Variants in MLXIP observed in about 807,000 individuals in gnomAD.
MLXIP encodes the protein MLX interacting protein, also known as MLX-interacting protein.
Under a neutral mutation model 87.2 loss-of-function variants are expected in MLXIP, and 30 were observed. The observed-to-expected ratio is 0.34, with a 90% CI of 0.26 to 0.47. MLXIP has a LOEUF of 0.47. Ranked by LOEUF, MLXIP falls within the 20% of genes least tolerant of loss-of-function variation. The pLI is 1.00. For synonymous variants in MLXIP, 530 were observed against 514.0 expected (o/e 1.03, Z -0.42); for missense variants, 1,002 against 1,240.1 (o/e 0.81, Z 2.88).
intron 1 of MLXIP, among the ~76,000 whole-genome samples, chr12:122,121,199 G>A (rs1485637377): frequency 6.6e-6 from 1 of 150,526 alleles, no homozygotes; most frequent in Non-Finnish European, 1.5e-5. Context: ...TAGTAGAGAT[G>A]GAGTTTCACC....
chr12:122,132,467 A>ATGCC, intron 8 of MLXIP, 84 bp downstream of exon 8: 2 of 1,082,256 alleles, frequency 1.8e-6, no homozygotes, highest in Non-Finnish European at 2.7e-6. Context: ...GAGCAAGGCT[A>ATGCC]ATGGCATAGC....
At chr12:122,114,490 T>G (rs1952656558) in intron 1 of MLXIP, among the ~76,000 whole-genome samples, 2 of 152,206 alleles carry the variant, frequency 1.3e-5, no homozygotes, top group Non-Finnish European at 2.9e-5. Flanking sequence ...TGGTTGACCT[T>G]TAGTTTCTAG....
rs1952381454 is a variant in MLXIP, at chr12:122,097,987, CT to C, written c.413+18722del. Among the ~76,000 whole-genome samples, 4 of 152,238 alleles carry C rather than the reference CT, an allele frequency of 2.6e-5. No individual in the cohort carries two copies. The South Asian group carries it at 6.2e-4, about 24-fold the overall frequency. ...CAGCAGGTAGGTAAGCTCACTGGTGCTATGCACGGCCTCCTTCAGATCCTTC... is the reference window on the plus strand; with the variant it reads ...CAGCAGGTAGGTAAGCTCACTGGTGCATGCACGGCCTCCTTCAGATCCTTC... On this transcript the variant is annotated intron_variant, in intron 1 of 16. Coordinates refer to ENST00000319080, the MANE Select transcript of MLXIP (RefSeq NM_014938.6).
intron 15 of MLXIP, 95 bp downstream of exon 15, chr12:122,139,033 A>G (rs1565990181): frequency 9.8e-6 from 15 of 1,537,552 alleles, no homozygotes; most frequent in Non-Finnish European, 1.3e-5. Flanking sequence ...AAGACTCTTT[A>G]AATGCCTGTC....
At chr12:122,141,588 C>T in intron 16 of MLXIP, 103 bp from the exon 17 acceptor site, 2 of 1,527,002 alleles carry the variant, frequency 1.3e-6, no homozygotes, top group Non-Finnish European at 1.8e-6. Context: ...TGCTGCTCGC[C>T]CCGTGCCTGA....
chr12:122,124,888 C>T (rs1171207407), intron 1 of MLXIP, among the ~76,000 whole-genome samples: 4 of 151,982 alleles, frequency 2.6e-5, no homozygotes, highest in African/African-American at 4.8e-5. Flanking sequence ...AAAATTAGGC[C>T]GGGCTTGGTG....
chr12:122,094,685 CTG>C (rs1353994937), intron 1 of MLXIP, among the ~76,000 whole-genome samples: 4 of 101,982 alleles, frequency 3.9e-5, no homozygotes, highest in African/African-American at 1.2e-4. Flanking sequence ...TGTGCGATGT[CTG>C]TTGTGTGTTG....
chr12:122,139,584 C>G (rs894357745), intron 15 of MLXIP, among the ~76,000 whole-genome samples: 1 of 152,186 alleles, frequency 6.6e-6, no homozygotes, highest in Non-Finnish European at 1.5e-5. Flanking sequence ...AGGTGACGGT[C>G]GTGCAGGAGG....
intron 6 of MLXIP, 53 bp downstream of exon 6, chr12:122,130,165 C>A: frequency 6.5e-7 from 1 of 1,549,122 alleles, no homozygotes; most frequent in Non-Finnish European, 8.8e-7. Context: ...TCCTTCTCTG[C>A]CAGGCCCCCT....
rs1046474067 is a variant in MLXIP at position 122,144,248 on chromosome 12, A to G, written c.*2436A>G. On this transcript the variant is annotated 3_prime_UTR_variant, in exon 17 of 17. Transcript: ENST00000319080. ...CACCCTGATTCTTGCCCCCACTTTC[A>G]TAAAAGAAACTTCAAAATGCTGACG... is the stretch of plus-strand genomic sequence containing the variant. 2 of 152,462 alleles carry G rather than the reference A, an allele frequency of 1.3e-5. No individual in the cohort carries two copies. Among genetic ancestry groups the G allele is most frequent in the Non-Finnish European group, 2.9e-5 (2 of 68,018 alleles). The allele number at this position is 152,462 out of a possible 1,614,324, so 9.4% of individuals were successfully genotyped here.
rs372185729 is a variant in MLXIP, at chr12:122,130,152, G to A, written c.910+40G>A. ...GGCCTTGGGCTTTGAACAGCCAGCC[G>A]CTTCCTTCTCTGCCAGGCCCCCTCT... is the stretch of plus-strand genomic sequence containing the variant. On this transcript the variant is annotated intron_variant, in intron 6 of 16. Transcript: ENST00000319080. The A allele has an allele frequency of 2.3e-5, 37 of 1,577,502 alleles. No homozygotes were observed. In the Admixed American group the frequency reaches 2.9e-4, roughly 12 times the overall value.
In MLXIP at chr12:122,115,581, T is replaced by G. The variant is rs561101940; in HGVS notation, c.414-11675T>G. Among the ~76,000 whole-genome samples the G allele has an allele frequency of 7.2e-3, 453 of 63,240 alleles. 5 individuals are homozygous for G. Among genetic ancestry groups the G allele is most frequent in the African/African-American group, 0.024 (243 of 10,092 alleles). 41.5% of individuals were successfully genotyped at this position (63,240 alleles called of 152,430 possible). On this transcript the variant is annotated intron_variant, in intron 1 of 16. Transcript: ENST00000319080. Reference sequence around the variant, plus strand: ...CCAGCCTGGGCAACAAGAGCGAAACTCCTTCTCAAAAAAAAAAAAAAAAAG... The same window carrying G: ...CCAGCCTGGGCAACAAGAGCGAAACGCCTTCTCAAAAAAAAAAAAAAAAAG...
chr12:122,137,401 C>T lies in MLXIP; in HGVS notation c.2033-68C>T. On this transcript the variant is annotated intron_variant, in intron 11 of 16. Coordinates refer to ENST00000319080, the MANE Select transcript of MLXIP (RefSeq NM_014938.6). This position sits in a 1 kb window ranked among gnomAD's most constrained non-coding sequence, Gnocchi z 4.1. Reference sequence around the variant, plus strand: ...GAGCACCTCATAACCCTGCAGAGACCCCAGGCTGCCTCCTGGTGGCGTTGA... The same window carrying T: ...GAGCACCTCATAACCCTGCAGAGACTCCAGGCTGCCTCCTGGTGGCGTTGA... 1 of 1,560,882 alleles carries T rather than the reference C, an allele frequency of 6.4e-7. No homozygotes were observed. The highest frequency in any genetic ancestry group is 8.7e-7 in the Non-Finnish European group (1 of 1,153,984).
chr12:122,138,362 C>T, intron 13 of MLXIP, 62 bp from the exon 14 acceptor site: 3 of 1,611,848 alleles, frequency 1.9e-6, no homozygotes, highest in Non-Finnish European at 2.5e-6. Context: ...CCTGCGTGGT[C>T]ATTGCTGGTG....
At chr12:122,139,618 G>A (rs555541595) in intron 15 of MLXIP, among the ~76,000 whole-genome samples, 3 of 152,304 alleles carry the variant, frequency 2.0e-5, no homozygotes, top group East Asian at 1.9e-4. Flanking sequence ...TGCAGCTATC[G>A]GGCAGGGCAG....
Position 122,146,943 on chromosome 12 carries a change from G to C in MLXIP, c.*5131G>C, listed in dbSNP as rs2136005078. 6.6e-6 allele frequency: 1 copy of C among 152,340 alleles called. No individual in the cohort carries two copies. The highest frequency in any genetic ancestry group is 2.1e-4 in the South Asian group (1 of 4,826). 9.4% of individuals were successfully genotyped at this position (152,340 alleles called of 1,614,324 possible). Reference sequence around the variant, plus strand: ...CACAGCTCCAGGCCATCCCCTACGGGCTGCCCACAGTGCCCCCTTTTCTCT... The same window carrying C: ...CACAGCTCCAGGCCATCCCCTACGGCCTGCCCACAGTGCCCCCTTTTCTCT... On this transcript the variant is annotated 3_prime_UTR_variant, in exon 17 of 17. Transcript: ENST00000319080.
intron 1 of MLXIP, among the ~76,000 whole-genome samples, chr12:122,125,340 A>T (rs1004439270): frequency 6.6e-6 from 1 of 152,126 alleles, no homozygotes. Context: ...TCAAAAAAAA[A>T]AAAAATTATT....
At chr12:122,129,006 TG>T in intron 3 of MLXIP, 130 bp from the exon 4 acceptor site, 1 of 692,242 alleles carries the variant, frequency 1.4e-6, no homozygotes. Context: ...CTGAGTGATG[TG>T]GTAGCCACTG....
intron 1 of MLXIP, among the ~76,000 whole-genome samples, chr12:122,119,028 T>C (rs1952736297): frequency 6.6e-6 from 1 of 151,596 alleles, no homozygotes; most frequent in South Asian, 2.1e-4. Context: ...TAGCTGGGCA[T>C]GGTGGCGGCG....
Sources: allele counts gnomAD v4.1 joint callset (sites outside exome capture counted in the v4.1 genomes callset), GRCh38; gene constraint gnomAD v4.1.1; non-coding constraint Gnocchi (gnomAD v3.1); transcripts MANE v1.5; gene names NCBI Gene and HGNC (gene_info 2026-07-23, HGNC 2026-07-21).